Variants in NAALADL2 observed in about 807,000 individuals in gnomAD.
The protein encoded by NAALADL2 is N-acetylated alpha-linked acidic dipeptidase like 2.
In NAALADL2, 76 loss-of-function variants were observed where a neutral mutation model predicts 87.2. The ratio of observed to expected loss-of-function variants is 0.87; its 90% CI spans 0.72 to 1.05. NAALADL2 has a LOEUF of 1.05. NAALADL2 is among the 50% of genes least tolerant of loss of function. NAALADL2 has a pLI of 0.00. For missense variants in NAALADL2, 1,089 were observed against 945.8 expected (o/e 1.15, Z -1.99); for synonymous variants, 354 against 331.0 (o/e 1.07, Z -0.75).
At chr3:174,668,400 C>T (rs1726179860) in intron 2 of NAALADL2, among the ~76,000 whole-genome samples, 1 of 147,806 alleles carries the variant, frequency 6.8e-6, no homozygotes, top group Non-Finnish European at 1.5e-5. Context: ...CTATGTTTTC[C>T]TCTGGGAGTC....
intron 1 of NAALADL2, among the ~76,000 whole-genome samples, chr3:174,479,901 G>C (rs1717450915): frequency 6.6e-6 from 1 of 152,004 alleles, no homozygotes; most frequent in South Asian, 2.1e-4. Flanking sequence ...CTTGGGAATG[G>C]TGAATTATCT....
chr3:175,208,391 T>A (rs1006080249), intron 2 of NAALADL2, among the ~76,000 whole-genome samples: 3 of 152,158 alleles, frequency 2.0e-5, no homozygotes, highest in Non-Finnish European at 2.9e-5. Flanking sequence ...TGTAACAGCA[T>A]GCACAAGCTT....
intron 2 of NAALADL2, among the ~76,000 whole-genome samples, chr3:175,223,009 G>A (rs181567107): frequency 5.7e-4 from 86 of 151,614 alleles, no homozygotes; most frequent in Non-Finnish European, 8.2e-4. Context: ...TTTAGGGTAC[G>A]CAACATAATG....
At chr3:174,813,583 G>T (rs1214896703) in intron 3 of NAALADL2, among the ~76,000 whole-genome samples, 1 of 152,196 alleles carries the variant, frequency 6.6e-6, no homozygotes, top group African/African-American at 2.4e-5. Flanking sequence ...GCATAAAGAT[G>T]AAAGTACCTA....
At chr3:175,745,385 C>G (rs1275834229) in intron 12 of NAALADL2, among the ~76,000 whole-genome samples, 1 of 152,132 alleles carries the variant, frequency 6.6e-6, no homozygotes, top group Non-Finnish European at 1.5e-5. Context: ...AAAATGAATA[C>G]AGTTGTCCCT....
chr3:175,279,216 G>T (rs1325241179), intron 4 of NAALADL2, among the ~76,000 whole-genome samples: 1 of 152,150 alleles, frequency 6.6e-6, no homozygotes, highest in Non-Finnish European at 1.5e-5. Context: ...TTTTATATGG[G>T]ACCCTAGGGC....
intron 2 of NAALADL2, among the ~76,000 whole-genome samples, 200 bp from the exon 3 acceptor site, chr3:175,233,731 A>C (rs1745362395): frequency 6.6e-6 from 1 of 152,148 alleles, no homozygotes; most frequent in South Asian, 2.1e-4. Flanking sequence ...AGCTACCACA[A>C]GGGCCGTCAG....
intron 2 of NAALADL2, among the ~76,000 whole-genome samples, chr3:175,145,675 T>G (rs1730644668): frequency 7.4e-6 from 1 of 135,990 alleles, no homozygotes. Context: ...GTCTTGATAC[T>G]TCTGTGTATT....
At chr3:175,722,926 T>A (rs1454913105) in intron 11 of NAALADL2, among the ~76,000 whole-genome samples, 1 of 152,136 alleles carries the variant, frequency 6.6e-6, no homozygotes, top group Admixed American at 6.6e-5. Context: ...GATACAATGA[T>A]GCACAGTGTA....
chr3:175,580,464 A>G (rs886679125), intron 10 of NAALADL2, among the ~76,000 whole-genome samples: 8 of 152,132 alleles, frequency 5.3e-5, no homozygotes, highest in African/African-American at 1.9e-4. Context: ...TACATTTTCT[A>G]TTTGGAACTG....
chr3:175,191,220 C>T (rs553049415), intron 2 of NAALADL2, among the ~76,000 whole-genome samples: 1 of 151,998 alleles, frequency 6.6e-6, no homozygotes, highest in East Asian at 1.9e-4. Context: ...ATATGTGTCC[C>T]CTAATATCAT....
Position 175,806,674 on chromosome 3 carries a change from A to C in NAALADL2, c.*3471A>C, listed in dbSNP as rs1485913941. The C allele has an allele frequency of 7.0e-6, 1 of 143,240 alleles. No homozygotes were observed. The highest frequency in any genetic ancestry group is 7.1e-5 in the Admixed American group (1 of 14,144). 8.9% of individuals were successfully genotyped at this position (143,240 alleles called of 1,614,324 possible). ...ACATCCCAGGCACTGGTGTTTTAGA[A>C]TTTTTCCCATGTATCCTTTTTTTTT... On this transcript the variant is annotated 3_prime_UTR_variant, in exon 14 of 14. Transcript: ENST00000454872.
At chr3:175,472,982 C>G (rs1346885285) in intron 9 of NAALADL2, among the ~76,000 whole-genome samples, 1 of 151,900 alleles carries the variant, frequency 6.6e-6, no homozygotes, top group Non-Finnish European at 1.5e-5. Flanking sequence ...TCTCAAGTAT[C>G]CAGAAATAGA....
intron 9 of NAALADL2, among the ~76,000 whole-genome samples, chr3:175,485,106 C>T (rs773120869): frequency 3.3e-5 from 5 of 152,098 alleles, no homozygotes; most frequent in African/African-American, 7.2e-5. Context: ...TATTGCTTAA[C>T]CTCTCTTAGC....
intron 5 of NAALADL2, among the ~76,000 whole-genome samples, chr3:175,367,490 A>C (rs1464138653): frequency 6.6e-6 from 1 of 152,162 alleles, no homozygotes; most frequent in Non-Finnish European, 1.5e-5. Flanking sequence ...CCTACCCATG[A>C]GCATGGAATG....
intron 2 of NAALADL2, among the ~76,000 whole-genome samples, chr3:174,619,869 A>G (rs1720829972): frequency 6.6e-6 from 1 of 152,028 alleles, no homozygotes; most frequent in Admixed American, 6.6e-5. Flanking sequence ...TAATAACAAT[A>G]GTATTTATCA....
rs138331570 is a variant in NAALADL2 at position 174,916,470 on chromosome 3, G to T, written c.43+57020G>T. Among the ~76,000 whole-genome samples, 315 of 152,196 alleles carry T rather than the reference G, an allele frequency of 2.1e-3. 2 individuals are homozygous for T. The highest frequency in any genetic ancestry group is 7.3e-3 in the African/African-American group (302 of 41,546). On this transcript the variant is annotated intron_variant, in intron 1 of 13. Transcript: ENST00000454872. ...GCAAAGATAGGGAACCAATCTAAAT[G>T]CTCATTGACCAATGAGTGGATATGG... is the stretch of plus-strand genomic sequence containing the variant.
At chr3:174,985,987 A>G (rs527856739) in intron 1 of NAALADL2, among the ~76,000 whole-genome samples, 30 of 152,142 alleles carry the variant, frequency 2.0e-4, no homozygotes, top group Admixed American at 1.8e-3. Context: ...AAAGCATGCT[A>G]AACAAGAGTA....
intron 4 of NAALADL2, among the ~76,000 whole-genome samples, chr3:175,319,720 T>G (rs1185965030): frequency 6.6e-6 from 1 of 152,164 alleles, no homozygotes; most frequent in African/African-American, 2.4e-5. Flanking sequence ...CTTGGGAGAC[T>G]GAGGCAGGAG....
Sources: allele counts gnomAD v4.1 joint callset (sites outside exome capture counted in the v4.1 genomes callset), GRCh38; gene constraint gnomAD v4.1.1; transcripts MANE v1.5; gene names NCBI Gene and HGNC (gene_info 2026-07-23, HGNC 2026-07-21).